Variants in R3HDM2 observed in about 807,000 individuals in gnomAD.
The protein encoded by R3HDM2 is R3H domain-containing protein 2.
R3HDM2 carries 38 observed loss-of-function variants against 124.5 expected under a neutral mutation model. The observed-to-expected ratio is 0.31, with a 90% CI of 0.24 to 0.40. The LOEUF (loss-of-function observed/expected upper bound fraction) is 0.40. Ranked by LOEUF, R3HDM2 falls within the 10% of genes least tolerant of loss-of-function variation. R3HDM2 has a pLI of 1.00. For missense variants in R3HDM2, 869 were observed against 1,236.9 expected (o/e 0.70, Z 4.46); for synonymous variants, 391 against 448.0 (o/e 0.87, Z 1.61).
At chr12:57,315,995 T>G (rs1226245815) in intron 2 of R3HDM2, among the ~76,000 whole-genome samples, 1 of 152,190 alleles carries the variant, frequency 6.6e-6, no homozygotes, top group African/African-American at 2.4e-5. Flanking sequence ...GGCACACGCC[T>G]GTGGTCCTAG....
intron 2 of R3HDM2, among the ~76,000 whole-genome samples, chr12:57,386,551 C>A (rs908553918): frequency 6.6e-6 from 1 of 152,148 alleles, no homozygotes; most frequent in Non-Finnish European, 1.5e-5. Flanking sequence ...GAGCCTCCCC[C>A]CGCTTCTGTG....
At chr12:57,356,506 GATTTTTGTATCCACGTACACAAGAAAA>G (rs2061313770) in intron 2 of R3HDM2, among the ~76,000 whole-genome samples, 1 of 152,096 alleles carries the variant, frequency 6.6e-6, no homozygotes, top group Non-Finnish European at 1.5e-5. Context: ...CTTTGTTAAA[GATTTTTGTATCCACGTACACAAGAAAA>G]TTTGGTCTGT....
intron 2 of R3HDM2, among the ~76,000 whole-genome samples, chr12:57,381,452 G>A (rs1367270570): frequency 6.7e-6 from 1 of 149,630 alleles, no homozygotes; most frequent in Non-Finnish European, 1.5e-5. Context: ...GGTTGAGGCA[G>A]GAGAATCTCT....
At chr12:57,258,309 ATTTTATTTATTT>A (rs1231651576) in intron 20 of R3HDM2, among the ~76,000 whole-genome samples, 172 bp from the exon 21 acceptor site, 1 of 143,184 alleles carries the variant, frequency 7.0e-6, no homozygotes, top group African/African-American at 2.6e-5. Context: ...CATTTATGCT[ATTTTATTTATTT>A]ATTTATTTAT....
intron 2 of R3HDM2, among the ~76,000 whole-genome samples, chr12:57,345,033 C>G (rs1206433185): frequency 6.6e-6 from 1 of 152,056 alleles, no homozygotes. Flanking sequence ...TGGGTTTCTC[C>G]ATGTTGGTCA....
intron 2 of R3HDM2, among the ~76,000 whole-genome samples, chr12:57,329,782 T>C (rs922977704): frequency 2.1e-4 from 32 of 152,106 alleles, no homozygotes; most frequent in African/African-American, 7.5e-4. Context: ...AACAACAATA[T>C]TAAGTCTTCC....
chr12:57,318,904 T>C (rs2139373665), intron 2 of R3HDM2, among the ~76,000 whole-genome samples: 1 of 152,302 alleles, frequency 6.6e-6, no homozygotes, highest in Middle Eastern at 3.4e-3. Flanking sequence ...ACAACTGGCA[T>C]ATGGCAGAGC....
chr12:57,339,541 T>C (rs1445388939), intron 2 of R3HDM2, among the ~76,000 whole-genome samples: 1 of 151,688 alleles, frequency 6.6e-6, no homozygotes, highest in African/African-American at 2.4e-5. Flanking sequence ...GTACTAAAAA[T>C]ACAAAAATTA....
chr12:57,344,454 T>C (rs1347898104), intron 2 of R3HDM2, among the ~76,000 whole-genome samples: 1 of 152,200 alleles, frequency 6.6e-6, no homozygotes, highest in African/African-American at 2.4e-5. Context: ...TTTCCCAGCA[T>C]ATGAAGAATC....
chr12:57,327,912 A>ATAT, intron 2 of R3HDM2, among the ~76,000 whole-genome samples: 1 of 152,224 alleles, frequency 6.6e-6, no homozygotes, highest in African/African-American at 2.4e-5. Context: ...AGGATTTAGA[A>ATAT]TATTACATAA....
At chr12:57,349,809 C>T (rs1306934115) in intron 2 of R3HDM2, among the ~76,000 whole-genome samples, 1 of 152,132 alleles carries the variant, frequency 6.6e-6, no homozygotes, top group Non-Finnish European at 1.5e-5. Context: ...ATCCACCTGC[C>T]TCAGCCCGTC....
intron 3 of R3HDM2, among the ~76,000 whole-genome samples, chr12:57,303,849 C>T (rs2051892161): frequency 6.6e-6 from 1 of 152,048 alleles, no homozygotes. Flanking sequence ...TTTTGTTGGC[C>T]TATTTCACAG....
intron 2 of R3HDM2, among the ~76,000 whole-genome samples, chr12:57,321,020 A>T (rs7484541): frequency 0.16 from 24,705 of 152,170 alleles, 2,666 homozygotes; most frequent in Admixed American, 0.27. Context: ...GATACATTTT[A>T]AAAAATGTTT....
chr12:57,291,351 T>G (rs2048541559), intron 11 of R3HDM2, among the ~76,000 whole-genome samples: 1 of 151,884 alleles, frequency 6.6e-6, no homozygotes, highest in Admixed American at 6.6e-5. Context: ...CTAAGTATAT[T>G]GATTAAAACT....
intron 10 of R3HDM2, among the ~76,000 whole-genome samples, chr12:57,294,457 C>G (rs1278553420): frequency 6.6e-6 from 1 of 152,064 alleles, no homozygotes; most frequent in African/African-American, 2.4e-5. Flanking sequence ...TGTTTGTCCA[C>G]AATAGATAAT....
chr12:57,385,588 C>G (rs1401821862), intron 2 of R3HDM2, among the ~76,000 whole-genome samples: 1 of 151,842 alleles, frequency 6.6e-6, no homozygotes, highest in Admixed American at 6.6e-5. Flanking sequence ...ACCTGTGGTC[C>G]CAGCTAGTCG....
At chr12:57,373,884 T>C (rs927353968) in intron 2 of R3HDM2, among the ~76,000 whole-genome samples, 1 of 151,466 alleles carries the variant, frequency 6.6e-6, no homozygotes, top group Non-Finnish European at 1.5e-5. Flanking sequence ...TCCTAGCACT[T>C]TGGGAGGCCG....
In R3HDM2 at chr12:57,255,078, C is replaced by T. The variant is rs1335083654; in HGVS notation, c.2668G>A (p.Glu890Lys). ...GRVLEVTDLP[E>K]GITRTEADKL... ...TCCGCCTCAGTACGGGTGATGCCCT[C>T]AGGGAGATCTGTCACCTCCAGCACC... Residue 890 changes from glutamate to lysine, a missense_variant, in exon 24 of 24, where the codon GAG (glutamate) becomes AAG (lysine). Coordinates refer to ENST00000402412, the MANE Select transcript of R3HDM2 (RefSeq NM_001394031.1). 1.2e-6 allele frequency: 2 copies of T among 1,606,126 alleles called. No homozygotes were observed. The highest frequency in any genetic ancestry group is 8.5e-7 in the Non-Finnish European group (1 of 1,175,796).
chr12:57,400,363 CATAG>C (rs2031284285), intron 1 of R3HDM2, among the ~76,000 whole-genome samples: 1 of 148,008 alleles, frequency 6.8e-6, no homozygotes, highest in Admixed American at 6.9e-5. Flanking sequence ...TGTTCTCACT[CATAG>C]GTGGGAATTG....
Sources: allele counts gnomAD v4.1 joint callset (sites outside exome capture counted in the v4.1 genomes callset), GRCh38; gene constraint gnomAD v4.1.1; transcripts MANE v1.5; gene names NCBI Gene and HGNC (gene_info 2026-07-23, HGNC 2026-07-21).